The following SLC22A23 variants were observed in gnomAD, a reference collection of about 807,000 sequenced individuals.
SLC22A23 encodes the protein solute carrier family 22 member 23, also known as ion transporter protein.
Under a neutral mutation model 61.0 loss-of-function variants are expected in SLC22A23, and 26 were observed. That is an observed-to-expected ratio of 0.43 (90% CI 0.31 to 0.59). SLC22A23 has a LOEUF of 0.59. SLC22A23 is among the 20% of genes least tolerant of loss of function. The pLI is 0.11. For synonymous variants in SLC22A23, 430 were observed against 413.9 expected (o/e 1.04, Z -0.47); for missense variants, 796 against 934.7 (o/e 0.85, Z 1.94).
At chr6:3,406,529 T>A (rs1768841292) in intron 3 of SLC22A23, among the ~76,000 whole-genome samples, 1 of 46,262 alleles carries the variant, frequency 2.2e-5, no homozygotes, top group South Asian at 6.3e-4. Context: ...CGACTGCCTG[T>A]GTGTGTGTGT....
intron 1 of SLC22A23, among the ~76,000 whole-genome samples, chr6:3,455,475 C>T (rs901494755): frequency 6.6e-6 from 1 of 152,208 alleles, no homozygotes; most frequent in Non-Finnish European, 1.5e-5. Flanking sequence ...CTTTAGTAGG[C>T]TTTACCTGTG....
At chr6:3,313,773 C>G (rs1174353275) in intron 4 of SLC22A23, 1 of 151,614 alleles carries the variant, frequency 6.6e-6, no homozygotes, top group Non-Finnish European at 1.5e-5. Context: ...GTAATCCCAG[C>G]ATTTTGGGAG....
At chr6:3,364,794 T>C (rs1581757163) in intron 3 of SLC22A23, among the ~76,000 whole-genome samples, 1 of 152,150 alleles carries the variant, frequency 6.6e-6, no homozygotes, top group African/African-American at 2.4e-5. Flanking sequence ...AGGTTAAGAC[T>C]TGGAATCTGG....
At position 3,272,897 on chromosome 6, in the gene SLC22A23, C is replaced by T. The variant is rs375583469; in HGVS notation, c.*158G>A. 467 of 651,646 alleles carry T rather than the reference C, an allele frequency of 7.2e-4. 1 individual carries two copies. The highest frequency in any genetic ancestry group is 5.4e-3 in the African/African-American group (297 of 54,842). The allele number at this position is 651,646 out of a possible 1,614,324, so 40.4% of individuals were successfully genotyped here. On this transcript the variant is annotated 3_prime_UTR_variant, in exon 10 of 10. Transcript: ENST00000406686. The stretch of plus-strand genomic sequence containing the variant: ...GAGTTTGTCTCCTCCGACCCGCGCT[C>T]CTTGGACTTTTGGAAAGACAGGATT...
chr6:3,278,624 G>A (rs1759131443), intron 9 of SLC22A23, among the ~76,000 whole-genome samples: 2 of 152,194 alleles, frequency 1.3e-5, no homozygotes, highest in Admixed American at 6.5e-5. Flanking sequence ...GGATAGGAAG[G>A]TCAGCTCACC....
intron 3 of SLC22A23, among the ~76,000 whole-genome samples, chr6:3,381,777 A>T (rs550301759): frequency 1.3e-5 from 2 of 152,180 alleles, no homozygotes; most frequent in African/African-American, 4.8e-5. Flanking sequence ...TAAAGTCCCT[A>T]GTTCCTTTTC....
In SLC22A23 at chr6:3,387,630, C is replaced by T. The variant is rs542324456; in HGVS notation, c.913+22558G>A. Among the ~76,000 whole-genome samples, 135 of 152,318 alleles carry T rather than the reference C, an allele frequency of 8.9e-4. 1 individual carries two copies. The highest frequency in any genetic ancestry group is 2.9e-3 in the African/African-American group (119 of 41,566). ...GCGTGGTTATGTGAGTTCACGTTAG[C>T]GGAAGGCGGGTGAGTGAAGGGCTTA... On this transcript the variant is annotated intron_variant, in intron 3 of 9. Coordinates refer to ENST00000406686, the MANE Select transcript of SLC22A23 (RefSeq NM_015482.2). This position sits in a 1 kb window ranked among gnomAD's most constrained non-coding sequence, Gnocchi z 5.0.
chr6:3,418,194 C>T (rs570953955), intron 1 of SLC22A23, among the ~76,000 whole-genome samples: 3 of 152,262 alleles, frequency 2.0e-5, no homozygotes, highest in East Asian at 1.9e-4. Flanking sequence ...GAACACATCC[C>T]GACCCCAGGT....
chr6:3,395,237 C>T (rs1767928877), intron 3 of SLC22A23, among the ~76,000 whole-genome samples: 1 of 152,092 alleles, frequency 6.6e-6, no homozygotes, highest in Non-Finnish European at 1.5e-5. Flanking sequence ...ATTTTGGAGC[C>T]CACATTTTCA....
In SLC22A23 at chr6:3,381,073, C is replaced by A. The variant is rs563790326; in HGVS notation, c.913+29115G>T. On this transcript the variant is annotated intron_variant, in intron 3 of 9. Transcript: ENST00000406686. ...TGCCTCGTATGTGAAGGCACTGACA[C>A]CACGTCCTGGGTGCTTTGTGTCCTT... Among the ~76,000 whole-genome samples the A allele has an allele frequency of 1.6e-3, 239 of 152,322 alleles. 2 individuals carry two copies. Among genetic ancestry groups the A allele is most frequent in the African/African-American group, 5.7e-3 (235 of 41,578 alleles).
chr6:3,331,219 T>C (rs1763563287), intron 3 of SLC22A23, among the ~76,000 whole-genome samples: 2 of 152,220 alleles, frequency 1.3e-5, no homozygotes, highest in African/African-American at 2.4e-5. Context: ...ATATCTCTGC[T>C]GCAGGCAGAA....
chr6:3,280,056 T>TTGAC (rs909711054), intron 9 of SLC22A23, among the ~76,000 whole-genome samples: 6 of 152,218 alleles, frequency 3.9e-5, no homozygotes, highest in African/African-American at 1.2e-4. Flanking sequence ...TTAATGTGAC[T>TTGAC]TGACTAAATT....
rs78254058 is a variant in SLC22A23 at position 3,318,050 on chromosome 6, C to G, written c.1082+5784G>C. Reference sequence around the variant, plus strand: ...ACCAGAGACTCCTGTGCTCACTGCACCCCCTGCCAAGTCCCTGTCCAGTCT... The same window carrying G: ...ACCAGAGACTCCTGTGCTCACTGCAGCCCCTGCCAAGTCCCTGTCCAGTCT... On this transcript the variant is annotated intron_variant, in intron 4 of 9. Transcript: ENST00000406686. This position sits in a 1 kb window ranked among gnomAD's most constrained non-coding sequence, Gnocchi z 4.3. Among the ~76,000 whole-genome samples, 3,503 of 152,018 alleles carry G rather than the reference C, an allele frequency of 0.023. 134 individuals are homozygous for G. The highest frequency in any genetic ancestry group is 0.079 in the African/African-American group (3,279 of 41,288).
In SLC22A23 at chr6:3,387,689, T is replaced by C. The variant is rs1463282913; in HGVS notation, c.913+22499A>G. On this transcript the variant is annotated intron_variant, in intron 3 of 9. Transcript: ENST00000406686. The surrounding 1 kb of genome is among the most constrained non-coding windows in gnomAD (Gnocchi z 5.0). ...CTCTGTACTGCCTTTGCCATTCCTCTGTAAGTCTAAAATTATTTTAACTGT... is the reference window on the plus strand; with the variant it reads ...CTCTGTACTGCCTTTGCCATTCCTCCGTAAGTCTAAAATTATTTTAACTGT... Among the ~76,000 whole-genome samples the C allele has an allele frequency of 6.6e-6, 1 of 152,264 alleles. No homozygotes were observed. The highest frequency in any genetic ancestry group is 2.4e-5 in the African/African-American group (1 of 41,472).
chr6:3,312,460 T>G (rs770620536), intron 4 of SLC22A23: 2 of 152,192 alleles, frequency 1.3e-5, no homozygotes, highest in Non-Finnish European at 2.9e-5. Flanking sequence ...ACAAGGGCAC[T>G]CTGTCGCTTC....
At chr6:3,433,391 G>A (rs777882662) in intron 1 of SLC22A23, among the ~76,000 whole-genome samples, 5 of 152,000 alleles carry the variant, frequency 3.3e-5, no homozygotes, top group African/African-American at 4.8e-5. Flanking sequence ...CTAGGGCCAG[G>A]GATCCCTGCC....
chr6:3,389,810 C>G (rs1006778860), intron 3 of SLC22A23, among the ~76,000 whole-genome samples: 1 of 152,226 alleles, frequency 6.6e-6, no homozygotes, highest in East Asian at 1.9e-4. Flanking sequence ...GGAGCTGGTA[C>G]GTGCATTTCA....
intron 3 of SLC22A23, among the ~76,000 whole-genome samples, chr6:3,326,069 T>C (rs1763262929): frequency 6.6e-6 from 1 of 152,236 alleles, no homozygotes; most frequent in Non-Finnish European, 1.5e-5. Context: ...ACTGATGTGA[T>C]GTCACACAAG....
rs1166595290 is a variant in SLC22A23 at position 3,447,895 on chromosome 6, C to T, written c.654+8011G>A. On this transcript the variant is annotated intron_variant, in intron 1 of 9. Coordinates refer to ENST00000406686, the MANE Select transcript of SLC22A23 (RefSeq NM_015482.2). Reference sequence around the variant, plus strand: ...GAGCTACCATGCCTGGCCTCTCTCTCTCTTTTTTTTTTTTTTTTTTTGAGA... The same window carrying T: ...GAGCTACCATGCCTGGCCTCTCTCTTTCTTTTTTTTTTTTTTTTTTTGAGA... 1.9e-3 allele frequency among the ~76,000 whole-genome samples: 151 copies of T among 78,120 alleles called. 2 individuals are homozygous for T. Among genetic ancestry groups the T allele is most frequent in the African/African-American group, 9.2e-3 (141 of 15,386 alleles). 51.2% of individuals were successfully genotyped at this position (78,120 alleles called of 152,430 possible).
Sources: allele counts gnomAD v4.1 joint callset (sites outside exome capture counted in the v4.1 genomes callset), GRCh38; gene constraint gnomAD v4.1.1; non-coding constraint Gnocchi (gnomAD v3.1); transcripts MANE v1.5; gene names NCBI Gene and HGNC (gene_info 2026-07-23, HGNC 2026-07-21).